AGPAT4: variants seen among roughly 807,000 people sequenced by gnomAD.
The protein encoded by AGPAT4 is 1-acylglycerol-3-phosphate O-acyltransferase 4.
In AGPAT4, 15 loss-of-function variants were observed where a neutral mutation model predicts 48.0. The observed-to-expected ratio is 0.31, with a 90% CI of 0.21 to 0.48. The LOEUF (loss-of-function observed/expected upper bound fraction) is 0.48, where lower values mean the gene tolerates loss of function less well. Ranked by LOEUF, AGPAT4 falls within the 20% of genes least tolerant of loss-of-function variation. The probability of loss-of-function intolerance (pLI) is 0.99; values close to 1 mark genes in which losing one functional copy is unlikely to be tolerated. For synonymous variants in AGPAT4, 178 were observed against 198.7 expected, an observed-to-expected ratio of 0.90 and a Z score of 0.88; for missense variants, 314 against 482.5, an observed-to-expected ratio of 0.65 and a Z score of 3.27.
chr6:161,219,860 TAGATAGATAGATAGGCAGGCAGGC>T lies in AGPAT4; in HGVS notation c.178+12152_178+12175del, dbSNP rs1355269056. Among the ~76,000 whole-genome samples, 5 of 118,072 alleles carry T rather than the reference TAGATAGATAGATAGGCAGGCAGGC, an allele frequency of 4.2e-5. No individual in the cohort carries two copies. Among genetic ancestry groups the T allele is most frequent in the Admixed American group, 8.9e-5 (1 of 11,236 alleles). 77.5% of individuals were successfully genotyped at this position (118,072 alleles called of 152,430 possible). On this transcript the variant is annotated intron_variant, in intron 2 of 8. Coordinates refer to ENST00000320285, the MANE Select transcript of AGPAT4 (RefSeq NM_020133.3). The surrounding 1 kb of genome is among the most constrained non-coding windows in gnomAD (Gnocchi z 4.9). ...ATAGATAGATAGATAGATAGATAGA[TAGATAGATAGATAGGCAGGCAGGC>T]AGGCAGGCAGGCAGGCAGGCAGGCA...
In AGPAT4 at chr6:161,231,631, TA is replaced by T. The variant is rs141990480; in HGVS notation, c.178+404del. Among the ~76,000 whole-genome samples the T allele has an allele frequency of 4.6e-5, 7 of 151,076 alleles. No individual in the cohort carries two copies. In the East Asian group the frequency reaches 5.8e-4, roughly 12 times the overall value. ...TATAGTATACTGCCACTTAGTTTTT[TA>T]AAAAAAAATACGTATGTATATGTAT... On this transcript the variant is annotated intron_variant, in intron 2 of 8. Coordinates refer to ENST00000320285, the MANE Select transcript of AGPAT4 (RefSeq NM_020133.3). The surrounding 1 kb of genome is among the most constrained non-coding windows in gnomAD (Gnocchi z 5.3).
At chr6:161,227,508 T>C (rs1458724934) in intron 2 of AGPAT4, among the ~76,000 whole-genome samples, 1 of 152,214 alleles carries the variant, frequency 6.6e-6, no homozygotes, top group Admixed American at 6.5e-5. Context: ...AGACAGGTTC[T>C]AGTAATCACA....
rs78034063 is a variant in AGPAT4, at chr6:161,221,193, C to A, written c.178+10843G>T. Among the ~76,000 whole-genome samples, 1,888 of 152,258 alleles carry A rather than the reference C, an allele frequency of 0.012. 35 individuals are homozygous for A. Among genetic ancestry groups the A allele is most frequent in the African/African-American group, 0.042 (1,739 of 41,550 alleles). Reference sequence around the variant, plus strand: ...TTCCCTCCGGTCAGCAGAAAATCCACCCCTCGGGGCTGGGTTTCCAGCATG... The same window carrying A: ...TTCCCTCCGGTCAGCAGAAAATCCAACCCTCGGGGCTGGGTTTCCAGCATG... On this transcript the variant is annotated intron_variant, in intron 2 of 8. Coordinates refer to ENST00000320285, the MANE Select transcript of AGPAT4 (RefSeq NM_020133.3). The surrounding 1 kb of genome is among the most constrained non-coding windows in gnomAD (Gnocchi z 4.5).
chr6:161,174,597 G>A (rs1164236153), intron 2 of AGPAT4, among the ~76,000 whole-genome samples: 1 of 152,132 alleles, frequency 6.6e-6, no homozygotes, highest in Non-Finnish European at 1.5e-5. Context: ...TGCAAACAGG[G>A]ACAATTTGAC....
chr6:161,190,988 G>A (rs1780906915), intron 2 of AGPAT4, among the ~76,000 whole-genome samples: 1 of 152,148 alleles, frequency 6.6e-6, no homozygotes, highest in Non-Finnish European at 1.5e-5. Context: ...AGACAGACTG[G>A]TTAGACCCAT....
Position 161,161,659 on chromosome 6 carries a change from T to C in AGPAT4, c.348+4589A>G. 1 of 360,678 alleles carries C rather than the reference T, an allele frequency of 2.8e-6. No homozygotes were observed. The highest frequency in any genetic ancestry group is 2.0e-5 in the South Asian group (1 of 49,036). 22.3% of individuals were successfully genotyped at this position (360,678 alleles called of 1,614,324 possible). ...CATATCTGGAAACTTCTAACTTCTC[T>C]TCAGCCAAAGAGCCCTTGACAAGTG... On this transcript the variant is annotated intron_variant, in intron 3 of 8. Transcript: ENST00000320285. This position sits in a 1 kb window ranked among gnomAD's most constrained non-coding sequence, Gnocchi z 4.6.
chr6:161,142,512 A>T lies in AGPAT4; in HGVS notation c.844-2892T>A, dbSNP rs1357569467. On this transcript the variant is annotated intron_variant, in intron 7 of 8. Transcript: ENST00000320285. The surrounding 1 kb of genome is among the most constrained non-coding windows in gnomAD (Gnocchi z 6.4). ...ACCTACAAGCCAAGAGGAGAACGAG[A>T]TCCTATTGAGAGGCGGCAGATCCCC... Among the ~76,000 whole-genome samples, 1 of 152,148 alleles carries T rather than the reference A, an allele frequency of 6.6e-6. No individual in the cohort carries two copies. The highest frequency in any genetic ancestry group is 2.4e-5 in the African/African-American group (1 of 41,434).
At position 161,243,069 on chromosome 6, in the gene AGPAT4, A is replaced by G. The variant is rs907031419; in HGVS notation, c.-89-10767T>C. On this transcript the variant is annotated intron_variant, in intron 1 of 8. Transcript: ENST00000320285. The surrounding 1 kb of genome is among the most constrained non-coding windows in gnomAD (Gnocchi z 4.8). ...CAGAGCCAGACTCTGTCTCAAAAAA[A>G]TTTTTTTTTAATTTAAAAAAAAATG... Among the ~76,000 whole-genome samples the G allele has an allele frequency of 1.3e-5, 2 of 151,820 alleles. No individual in the cohort carries two copies. Among genetic ancestry groups the G allele is most frequent in the African/African-American group, 4.8e-5 (2 of 41,292 alleles).
rs1161089439 is a variant in AGPAT4 at position 161,229,617 on chromosome 6, G to T, written c.178+2419C>A. Among the ~76,000 whole-genome samples the T allele has an allele frequency of 6.6e-6, 1 of 152,104 alleles. No individual in the cohort carries two copies. The highest frequency in any genetic ancestry group is 2.4e-5 in the African/African-American group (1 of 41,418). ...ACCAGAAACGGAGAATCCTGGCGAG[G>T]ATTCTCTCAAACCTGGGGATAGTTT... is the stretch of plus-strand genomic sequence containing the variant. On this transcript the variant is annotated intron_variant, in intron 2 of 8. Coordinates refer to ENST00000320285, the MANE Select transcript of AGPAT4 (RefSeq NM_020133.3). The surrounding 1 kb of genome is among the most constrained non-coding windows in gnomAD (Gnocchi z 6.0).
In AGPAT4 at chr6:161,243,517, C is replaced by T. The variant is rs1782560408; in HGVS notation, c.-89-11215G>A. Among the ~76,000 whole-genome samples the T allele has an allele frequency of 6.6e-6, 1 of 152,196 alleles. No homozygotes were observed. Among genetic ancestry groups the T allele is most frequent in the Non-Finnish European group, 1.5e-5 (1 of 68,028 alleles). The stretch of plus-strand genomic sequence containing the variant: ...GAGCCTGCAGGAGAGGCGCTGTTTC[C>T]TAGCTGTGCAATCTTGGGTCAGTAG... On this transcript the variant is annotated intron_variant, in intron 1 of 8. Transcript: ENST00000320285. The surrounding 1 kb of genome is among the most constrained non-coding windows in gnomAD (Gnocchi z 4.8).
intron 2 of AGPAT4, among the ~76,000 whole-genome samples, chr6:161,168,707 C>G (rs1231576206): frequency 6.6e-6 from 1 of 152,204 alleles, no homozygotes; most frequent in East Asian, 1.9e-4. Context: ...TGGCACCCCT[C>G]CAGCTTACTG....
Position 161,133,947 on chromosome 6 carries a change from G to A in AGPAT4, c.*2593C>T, listed in dbSNP as rs779765984. Reference sequence around the variant, plus strand: ...ACCAAAGCAGTTGTTGTGTGCTGAGGAGATGGTGACCTCCGTGTGACCTGA... The same window carrying A: ...ACCAAAGCAGTTGTTGTGTGCTGAGAAGATGGTGACCTCCGTGTGACCTGA... On this transcript the variant is annotated 3_prime_UTR_variant, in exon 9 of 9. Transcript: ENST00000320285. 3 of 152,220 alleles carry A rather than the reference G, an allele frequency of 2.0e-5. No homozygotes were observed. Among genetic ancestry groups the A allele is most frequent in the Non-Finnish European group, 2.9e-5 (2 of 68,066 alleles). 9.4% of individuals were successfully genotyped at this position (152,220 alleles called of 1,614,324 possible). A position where few individuals can be genotyped will look rare whatever the true frequency, so the allele number is the denominator to read the frequency against.
chr6:161,186,223 T>G (rs941147212), intron 2 of AGPAT4, among the ~76,000 whole-genome samples: 1 of 152,182 alleles, frequency 6.6e-6, no homozygotes, highest in African/African-American at 2.4e-5. Context: ...ACACTCATGC[T>G]TAAGATGAGT....
chr6:161,155,899 C>A lies in AGPAT4; in HGVS notation c.349-1589G>T, dbSNP rs752706339. The stretch of plus-strand genomic sequence containing the variant: ...TCTGCAGCCAGGAAGGGGCCACAGA[C>A]TAAAGCAGCAGCTGTTGGCCCTGGG... On this transcript the variant is annotated intron_variant, in intron 3 of 8. Transcript: ENST00000320285. This position sits in a 1 kb window ranked among gnomAD's most constrained non-coding sequence, Gnocchi z 5.8. Among the ~76,000 whole-genome samples the A allele has an allele frequency of 6.6e-6, 1 of 152,232 alleles. No individual in the cohort carries two copies. Among genetic ancestry groups the A allele is most frequent in the Admixed American group, 6.5e-5 (1 of 15,282 alleles).
At chr6:161,145,659 T>C (rs1222766025) in intron 7 of AGPAT4, among the ~76,000 whole-genome samples, 1 of 151,646 alleles carries the variant, frequency 6.6e-6, no homozygotes. Context: ...AAAGTTCTTA[T>C]TCAGCTGCAG....
intron 1 of AGPAT4, 118 bp downstream of exon 1, chr6:161,273,820 C>T (rs1405288823): frequency 6.6e-6 from 1 of 151,080 alleles, no homozygotes; most frequent in Admixed American, 6.6e-5. Flanking sequence ...GAGCCTACCC[C>T]TTCCAGAGGT....
chr6:161,153,356 C>T lies in AGPAT4; in HGVS notation c.654G>A (p.Leu218=). Residue 218 remains leucine, a synonymous_variant, in exon 5 of 9, where the codon TTG becomes TTA. Coordinates refer to ENST00000320285, the MANE Select transcript of AGPAT4 (RefSeq NM_020133.3). ...CGCACTCTTCCTTACCTACATTTCTCAAGCTCCTCACGGTGATGGCGAAGC... is the reference window on the plus strand; with the variant it reads ...CGCACTCTTCCTTACCTACATTTCTTAAGCTCCTCACGGTGATGGCGAAGC... The part of the protein sequence containing the change: ...TKGFAITVRS[L]RNVVSAVYDC... The T allele has an allele frequency of 6.2e-7, 1 of 1,608,072 alleles. No individual in the cohort carries two copies. The highest frequency in any genetic ancestry group is 8.5e-7 in the Non-Finnish European group (1 of 1,177,092).
At chr6:161,205,471 G>C (rs181678441) in intron 2 of AGPAT4, among the ~76,000 whole-genome samples, 7 of 152,292 alleles carry the variant, frequency 4.6e-5, no homozygotes, top group Middle Eastern at 3.4e-3. Flanking sequence ...AAGCCTGAAA[G>C]AGCAGCTCTC....
In AGPAT4 at chr6:161,166,151, T is replaced by A; in HGVS notation, c.348+97A>T. The A allele has an allele frequency of 1.4e-6, 2 of 1,476,460 alleles. No individual in the cohort carries two copies. The highest frequency in any genetic ancestry group is 1.8e-6 in the Non-Finnish European group (2 of 1,083,384). 91.5% of individuals were successfully genotyped at this position (1,476,460 alleles called of 1,614,324 possible). ...TTCATCAAGTAGAAACTCTGTTGAT[T>A]CTTCTGCAAGTTCTGAATGACCAGG... On this transcript the variant is annotated intron_variant, in intron 3 of 8. Coordinates refer to ENST00000320285, the MANE Select transcript of AGPAT4 (RefSeq NM_020133.3). This position sits in a 1 kb window ranked among gnomAD's most constrained non-coding sequence, Gnocchi z 6.7.
Sources: allele counts gnomAD v4.1 joint callset (sites outside exome capture counted in the v4.1 genomes callset), GRCh38; gene constraint gnomAD v4.1.1; non-coding constraint Gnocchi (gnomAD v3.1); transcripts MANE v1.5; gene names NCBI Gene and HGNC (gene_info 2026-07-23, HGNC 2026-07-21).